CHST11: variants seen among roughly 807,000 people sequenced by gnomAD.
CHST11 encodes the protein carbohydrate sulfotransferase 11, also known as C4S-1.
A neutral mutation model predicts 30.4 loss-of-function variants in CHST11; 9 were observed. That is an observed-to-expected ratio of 0.30 (90% confidence interval 0.18 to 0.52). The LOEUF is 0.52. CHST11 is among the 20% of genes least tolerant of loss of function. The pLI is 0.97. For synonymous variants in CHST11, 152 were observed against 187.8 expected, an observed-to-expected ratio of 0.81 and a Z score of 1.56; for missense variants, 348 against 460.6, an observed-to-expected ratio of 0.76 and a Z score of 2.24.
At chr12:104,510,697 C>T (rs2037956573) in intron 1 of CHST11, among the ~76,000 whole-genome samples, 1 of 152,304 alleles carries the variant, frequency 6.6e-6, no homozygotes, top group Middle Eastern at 3.4e-3. Context: ...AAGAGAATGT[C>T]TTGTTTGGCA....
chr12:104,645,995 C>T (rs548648470), intron 2 of CHST11, among the ~76,000 whole-genome samples: 11 of 152,230 alleles, frequency 7.2e-5, no homozygotes, highest in African/African-American at 1.7e-4. Context: ...TACTCTCCAG[C>T]GCTTTGCTCA....
In CHST11 at chr12:104,476,120, TATATA is replaced by T. The variant is rs1437570040; in HGVS notation, c.118+18602_118+18606del. Among the ~76,000 whole-genome samples, 283 of 143,764 alleles carry T rather than the reference TATATA, an allele frequency of 2.0e-3. 4 individuals carry two copies. Among genetic ancestry groups the T allele is most frequent in the African/African-American group, 6.7e-3 (264 of 39,560 alleles). The allele number at this position is 143,764 out of a possible 152,430, so 94.3% of individuals were successfully genotyped here. ...AATTATATATAAATATAAATAATAA[TATATA>T]ATATAATATATTATATATTATAATA... On this transcript the variant is annotated intron_variant, in intron 1 of 2. Coordinates refer to ENST00000303694, the MANE Select transcript of CHST11 (RefSeq NM_018413.6).
chr12:104,657,033 G>C (rs2039551037), intron 2 of CHST11, among the ~76,000 whole-genome samples: 1 of 150,736 alleles, frequency 6.6e-6, no homozygotes, highest in Admixed American at 6.6e-5. Flanking sequence ...AATTGATGAA[G>C]AAAGCGTGGC....
chr12:104,634,363 G>A (rs575071998), intron 2 of CHST11, among the ~76,000 whole-genome samples: 13 of 152,106 alleles, frequency 8.5e-5, no homozygotes, highest in Non-Finnish European at 1.5e-4. Flanking sequence ...TCCAGAGGTC[G>A]TCATGTGGAA....
At chr12:104,497,740 C>G (rs543429362) in intron 1 of CHST11, among the ~76,000 whole-genome samples, 1 of 152,084 alleles carries the variant, frequency 6.6e-6, no homozygotes, top group East Asian at 1.9e-4. Context: ...TGCTGAGAAC[C>G]TGGGTCTGTG....
chr12:104,753,005 G>A (rs1385635144), intron 2 of CHST11, among the ~76,000 whole-genome samples: 1 of 152,206 alleles, frequency 6.6e-6, no homozygotes, highest in African/African-American at 2.4e-5. Flanking sequence ...TTCCTGCTCT[G>A]TGGTACCTCT....
chr12:104,589,287 G>GCTA (rs984838139), intron 1 of CHST11, among the ~76,000 whole-genome samples: 3 of 151,806 alleles, frequency 2.0e-5, no homozygotes, highest in African/African-American at 7.3e-5. Flanking sequence ...TGTAGTCCCA[G>GCTA]CTACTCTGAA....
chr12:104,753,298 G>T (rs1464618007), intron 2 of CHST11, among the ~76,000 whole-genome samples: 1 of 152,178 alleles, frequency 6.6e-6, no homozygotes, highest in Admixed American at 6.5e-5. Context: ...ATCCTCAGCT[G>T]TAAAATGGAG....
chr12:104,654,042 C>T (rs2039519288), intron 2 of CHST11, among the ~76,000 whole-genome samples: 2 of 152,198 alleles, frequency 1.3e-5, no homozygotes, highest in Admixed American at 6.5e-5. Context: ...TGTAATGGAA[C>T]CCTGTATGGG....
chr12:104,630,564 A>G (rs775678368), intron 2 of CHST11, among the ~76,000 whole-genome samples: 3 of 152,224 alleles, frequency 2.0e-5, no homozygotes, highest in Non-Finnish European at 4.4e-5. Context: ...ACACCAGAGA[A>G]TATCAATGAC....
intron 2 of CHST11, among the ~76,000 whole-genome samples, chr12:104,696,053 G>A (rs1016903047): frequency 6.6e-6 from 1 of 152,088 alleles, no homozygotes; most frequent in Non-Finnish European, 1.5e-5. Flanking sequence ...TCGTTCTGAG[G>A]GTACACAATG....
intron 1 of CHST11, chr12:104,553,595 G>GAGAGAGAGAA (rs1296433692): frequency 6.8e-6 from 1 of 146,938 alleles, no homozygotes; most frequent in African/African-American, 2.5e-5. Context: ...GAGAGAGAGA[G>GAGAGAGAGAA]AGAGAGTGAG....
At chr12:104,716,999 C>T (rs1009887068) in intron 2 of CHST11, among the ~76,000 whole-genome samples, 1 of 152,212 alleles carries the variant, frequency 6.6e-6, no homozygotes, top group African/African-American at 2.4e-5. Flanking sequence ...CGGCAATGGC[C>T]AGTCAAGTCC....
At chr12:104,738,560 T>C (rs567022069) in intron 2 of CHST11, among the ~76,000 whole-genome samples, 28 of 152,296 alleles carry the variant, frequency 1.8e-4, no homozygotes, top group Admixed American at 5.2e-4. Context: ...ACCCGCCCCA[T>C]GATGCAATGA....
intron 1 of CHST11, among the ~76,000 whole-genome samples, chr12:104,498,735 C>T (rs796740264): frequency 1.3e-5 from 2 of 152,170 alleles, no homozygotes; most frequent in African/African-American, 2.4e-5. Context: ...CCTGCTCAAG[C>T]GGATGTGGGG....
chr12:104,659,858 T>G (rs1377934648), intron 2 of CHST11, among the ~76,000 whole-genome samples: 1 of 150,752 alleles, frequency 6.6e-6, no homozygotes, highest in African/African-American at 2.4e-5. Flanking sequence ...GGCGTGCCCC[T>G]GTAGTCCTAG....
chr12:104,563,491 T>G (rs1448090193), intron 1 of CHST11, among the ~76,000 whole-genome samples: 1 of 152,216 alleles, frequency 6.6e-6, no homozygotes, highest in Non-Finnish European at 1.5e-5. Context: ...TTTGTCTCAT[T>G]CATCTTTGTA....
At chr12:104,700,284 A>G (rs2039981117) in intron 2 of CHST11, among the ~76,000 whole-genome samples, 1 of 152,266 alleles carries the variant, frequency 6.6e-6, no homozygotes, top group Non-Finnish European at 1.5e-5. Context: ...CTGATAGAAT[A>G]AAATTTTTAA....
At chr12:104,574,358 TG>T (rs1324578731) in intron 1 of CHST11, among the ~76,000 whole-genome samples, 1 of 152,198 alleles carries the variant, frequency 6.6e-6, no homozygotes, top group Non-Finnish European at 1.5e-5. Flanking sequence ...ATCCCATTAC[TG>T]GGTATATACC....
Sources: gnomAD v4.1 joint callset for allele counts (sites outside exome capture counted in the v4.1 genomes callset) on GRCh38, gnomAD v4.1.1 for gene constraint, MANE v1.5 for transcripts, NCBI Gene and HGNC (gene_info 2026-07-23, HGNC 2026-07-21) for gene names.